CFHR3: variants seen among roughly 807,000 people sequenced by gnomAD.
CFHR3 encodes the protein complement factor H-related protein 3.
A neutral mutation model predicts 36.0 loss-of-function variants in CFHR3; 22 were observed. The observed-to-expected ratio is 0.61, with a 90% confidence interval of 0.44 to 0.87. CFHR3 has a LOEUF of 0.87. Among genes scored for constraint, CFHR3 ranks in the 40% least tolerant of loss-of-function variants. The pLI is 0.00. For synonymous variants in CFHR3, 97 were observed against 137.4 expected (o/e 0.71, Z 2.06); for missense variants, 276 against 401.3 (o/e 0.69, Z 2.67).
At position 196,789,073 on chromosome 1, in the gene CFHR3, T is replaced by C. The variant is rs1356814749; in HGVS notation, c.613+675T>C. 4 of 1,132,422 alleles carry C rather than the reference T, an allele frequency of 3.5e-6. 1 individual carries two copies. Among genetic ancestry groups the C allele is most frequent in the Non-Finnish European group, 4.4e-6 (4 of 916,806 alleles). The allele number at this position is 1,132,422 out of a possible 1,614,324, so 70.1% of individuals were successfully genotyped here. On this transcript the variant is annotated intron_variant, in intron 4 of 5. Transcript: ENST00000367425. ...GAATGCATAATGAACAAAGGAAATC[T>C]TTCAGTGGCAAAAGTTGATTTTTTT... is the stretch of plus-strand genomic sequence containing the variant.
intron 4 of CFHR3, chr1:196,789,422 T>C (rs956531043): frequency 1.1e-6 from 1 of 911,232 alleles, no homozygotes; most frequent in African/African-American, 2.3e-5. Context: ...GGGCTCTGTG[T>C]AAAGAAAAAG....
chr1:196,776,527 G>GATA (rs1653727430), intron 1 of CFHR3, among the ~76,000 whole-genome samples: 1 of 136,574 alleles, frequency 7.3e-6, no homozygotes. Context: ...ATTCAGGTGG[G>GATA]TCCTACTCCA....
intron 1 of CFHR3, among the ~76,000 whole-genome samples, chr1:196,775,334 TC>T (rs1653667834): frequency 7.3e-6 from 1 of 136,736 alleles, no homozygotes; most frequent in Non-Finnish European, 1.6e-5. Flanking sequence ...GTTTTCATAA[TC>T]TTACATATGG....
intron 3 of CFHR3, among the ~76,000 whole-genome samples, chr1:196,787,609 AT>A (rs1320581672): frequency 7.3e-6 from 1 of 136,906 alleles, no homozygotes; most frequent in Non-Finnish European, 1.5e-5. Flanking sequence ...TTACTAATAT[AT>A]AAAGAACAAA....
rs1053468994 is a variant in CFHR3, at chr1:196,793,537, A to G, written c.*24A>G. 3.3e-6 allele frequency: 5 copies of G among 1,504,390 alleles called. 2 individuals are homozygous for G. The highest frequency in any genetic ancestry group is 2.5e-5 in the South Asian group (2 of 79,762). The allele number at this position is 1,504,390 out of a possible 1,614,324, so 93.2% of individuals were successfully genotyped here. On this transcript the variant is annotated 3_prime_UTR_variant, in exon 6 of 6. Transcript: ENST00000367425. The stretch of plus-strand genomic sequence containing the variant: ...AAGGCAGCATTGTTACCCTAAATGT[A>G]TGTCCAACTTCCACTTTTCCACTTC...
rs776769345 is a variant in CFHR3 at position 196,793,452 on chromosome 1, C to T, written c.932C>T (p.Ser311Leu). 1 of 1,526,708 alleles carries T rather than the reference C, an allele frequency of 6.6e-7. No homozygotes were observed. The highest frequency in any genetic ancestry group is 8.9e-7 in the Non-Finnish European group (1 of 1,129,272). The allele number at this position is 1,526,708 out of a possible 1,614,324, so 94.6% of individuals were successfully genotyped here. The change falls in exon 6 of 6, where the codon TCA (serine) becomes TTA (leucine). Residue 311 changes from serine to leucine, a missense_variant. Ser to Leu is a moderately radical substitution (Grantham distance 145). Transcript: ENST00000367425. ...MCKLGYNANT[S>L]ILSFQAVCRE... ...AAATTGGGATATAATGCAAATACAT[C>T]AATTCTATCATTTCAAGCAGTGTGT...
At chr1:196,780,242 T>C (rs542679282) in intron 3 of CFHR3, among the ~76,000 whole-genome samples, 5 of 137,768 alleles carry the variant, frequency 3.6e-5, no homozygotes, top group Non-Finnish European at 6.2e-5. Context: ...TAAAGTCATA[T>C]TGAAGCGGCA....
rs772850682 is a variant in CFHR3 at position 196,788,254 on chromosome 1, T to A, written c.469T>A (p.Phe157Ile). 1 of 1,357,066 alleles carries A rather than the reference T, an allele frequency of 7.4e-7. No homozygotes were observed. Among genetic ancestry groups the A allele is most frequent in the Non-Finnish European group, 9.9e-7 (1 of 1,007,772 alleles). 84.1% of individuals were successfully genotyped at this position (1,357,066 alleles called of 1,614,324 possible). ...ATCAGATATAGAAATTGAAAATGGATTCATTTCCGAATCTTCCTCTATTTA... is the reference window on the plus strand; with the variant it reads ...ATCAGATATAGAAATTGAAAATGGAATCATTTCCGAATCTTCCTCTATTTA... ...SKSDIEIENG[F>I]ISESSSIYIL... The change falls in exon 4 of 6, where the codon TTC (phenylalanine) becomes ATC (isoleucine). Residue 157 changes from phenylalanine (F) to isoleucine (I), a missense_variant. This residue lies in a region of CFHR3 where 178 missense variants were observed against 247.2 expected (regional missense o/e 0.72). Transcript: ENST00000367425.
rs367607206 is a variant in CFHR3, at chr1:196,783,116, C to T, written c.430+3143C>T. On this transcript the variant is annotated intron_variant, in intron 3 of 5. Coordinates refer to ENST00000367425, the MANE Select transcript of CFHR3 (RefSeq NM_021023.6). ...ATGCTGGATTACATTTATTGATTTG[C>T]GTATATTGAACTAGCCTTGCATCCC... Among the ~76,000 whole-genome samples, 17 of 136,478 alleles carry T rather than the reference C, an allele frequency of 1.2e-4. 4 individuals carry two copies. Among genetic ancestry groups the T allele is most frequent in the African/African-American group, 4.6e-4 (15 of 32,500 alleles). 89.5% of individuals were successfully genotyped at this position (136,478 alleles called of 152,430 possible).
chr1:196,787,513 C>T (rs1464285050), intron 3 of CFHR3, among the ~76,000 whole-genome samples: 1 of 137,244 alleles, frequency 7.3e-6, no homozygotes, highest in African/African-American at 3.0e-5. Context: ...AGAACATATA[C>T]ATTACTAATA....
In CFHR3 at chr1:196,782,898, C is replaced by T. The variant is rs190962220; in HGVS notation, c.430+2925C>T. On this transcript the variant is annotated intron_variant, in intron 3 of 5. Transcript: ENST00000367425. The stretch of plus-strand genomic sequence containing the variant: ...TCTTGTGCTGATTTTCAAAGGAATG[C>T]TTCCAGTTTTTGCCCATTCAGTATG... 8.5e-4 allele frequency among the ~76,000 whole-genome samples: 116 copies of T among 137,262 alleles called. 18 individuals are homozygous for T. Among genetic ancestry groups the T allele is most frequent in the Admixed American group, 1.6e-3 (23 of 14,248 alleles). The allele number at this position is 137,262 out of a possible 152,430, so 90.0% of individuals were successfully genotyped here.
intron 2 of CFHR3, 31 bp from the exon 3 acceptor site, chr1:196,779,766 C>G (rs1653868683): frequency 6.8e-7 from 1 of 1,475,834 alleles, no homozygotes; most frequent in Admixed American, 1.9e-5. Flanking sequence ...TTCTCATTTA[C>G]TTTATTTATT....
At chr1:196,787,813 G>A (rs1330047733) in intron 3 of CFHR3, among the ~76,000 whole-genome samples, 2 of 136,830 alleles carry the variant, frequency 1.5e-5, no homozygotes, top group Non-Finnish European at 3.1e-5. Context: ...AGGGTGTACC[G>A]TATCTTTGCC....
rs1428838545 is a variant in CFHR3, at chr1:196,795,301, C to A, written c.*1788C>A. On this transcript the variant is annotated 3_prime_UTR_variant, in exon 6 of 6. Coordinates refer to ENST00000367425, the MANE Select transcript of CFHR3 (RefSeq NM_021023.6). ...CCTGGACAAGTTCTCTTGCCTGCCA[C>A]CATGTAAGATGTACCTTTGCTACTC... 7.3e-6 allele frequency: 1 copy of A among 136,798 alleles called. No individual in the cohort carries two copies. The highest frequency in any genetic ancestry group is 1.5e-5 in the Non-Finnish European group (1 of 64,598). 8.5% of individuals were successfully genotyped at this position (136,798 alleles called of 1,614,324 possible).
In CFHR3 at chr1:196,776,669, C is replaced by T. The variant is rs756830544; in HGVS notation, c.58+1725C>T. Among the ~76,000 whole-genome samples the T allele has an allele frequency of 4.4e-5, 6 of 136,750 alleles. 1 individual carries two copies. The highest frequency in any genetic ancestry group is 6.2e-5 in the Non-Finnish European group (4 of 64,496). The allele number at this position is 136,750 out of a possible 152,430, so 89.7% of individuals were successfully genotyped here. On this transcript the variant is annotated intron_variant, in intron 1 of 5. Coordinates refer to ENST00000367425, the MANE Select transcript of CFHR3 (RefSeq NM_021023.6). Reference sequence around the variant, plus strand: ...TCTCAGAAGCATCCAATCCTGTTGACAGCTATATCTCAAACTAGTAGCCTC... The same window carrying T: ...TCTCAGAAGCATCCAATCCTGTTGATAGCTATATCTCAAACTAGTAGCCTC...
Position 196,786,911 on chromosome 1 carries a change from G to C in CFHR3, c.431-1305G>C, listed in dbSNP as rs1346716301. Among the ~76,000 whole-genome samples, 3 of 137,694 alleles carry C rather than the reference G, an allele frequency of 2.2e-5. 1 individual carries two copies. Among genetic ancestry groups the C allele is most frequent in the Non-Finnish European group, 4.6e-5 (3 of 64,778 alleles). 90.3% of individuals were successfully genotyped at this position (137,694 alleles called of 152,430 possible). The stretch of plus-strand genomic sequence containing the variant: ...GTCTTCTGCGTCGCTCACGCTGGGA[G>C]CTGTAGACCAGAGCTGTTCCGATTT... On this transcript the variant is annotated intron_variant, in intron 3 of 5. Coordinates refer to ENST00000367425, the MANE Select transcript of CFHR3 (RefSeq NM_021023.6).
At position 196,787,533 on chromosome 1, in the gene CFHR3, A is replaced by G. The variant is rs181471138; in HGVS notation, c.431-683A>G. Reference sequence around the variant, plus strand: ...ATATACATTACTAATATCTTAAAACATATGCGTTACTAAAATAATTACTAC... The same window carrying G: ...ATATACATTACTAATATCTTAAAACGTATGCGTTACTAAAATAATTACTAC... On this transcript the variant is annotated intron_variant, in intron 3 of 5. Transcript: ENST00000367425. 6.4e-4 allele frequency among the ~76,000 whole-genome samples: 88 copies of G among 137,872 alleles called. 27 individuals are homozygous for G. The highest frequency in any genetic ancestry group is 2.6e-3 in the African/African-American group (87 of 33,130). The allele number at this position is 137,872 out of a possible 152,430, so 90.4% of individuals were successfully genotyped here.
In CFHR3 at chr1:196,779,700, A is replaced by G; in HGVS notation, c.254-97A>G. The G allele has an allele frequency of 2.2e-6, 3 of 1,366,068 alleles. 1 individual carries two copies. Among genetic ancestry groups the G allele is most frequent in the Non-Finnish European group, 1.9e-6 (2 of 1,027,904 alleles). 84.6% of individuals were successfully genotyped at this position (1,366,068 alleles called of 1,614,324 possible). ...TACATTATTTTTGGATGTTTATGCGATCTTATTTAAATATGGTAACAATAA... is the reference window on the plus strand; with the variant it reads ...TACATTATTTTTGGATGTTTATGCGGTCTTATTTAAATATGGTAACAATAA... On this transcript the variant is annotated intron_variant, in intron 2 of 5. Transcript: ENST00000367425.
rs1445600310 is a variant in CFHR3, at chr1:196,782,989, T to G, written c.430+3016T>G. 7.3e-5 allele frequency among the ~76,000 whole-genome samples: 10 copies of G among 137,224 alleles called. 3 individuals are homozygous for G. The highest frequency in any genetic ancestry group is 2.1e-4 in the African/African-American group (7 of 32,830). The allele number at this position is 137,224 out of a possible 152,430, so 90.0% of individuals were successfully genotyped here. ...TGAGATATGTCCCATCAATATCTAA[T>G]TTATTGAGAGTTTTTAGCATGAAGC... On this transcript the variant is annotated intron_variant, in intron 3 of 5. Transcript: ENST00000367425.
Sources: gnomAD v4.1 joint callset for allele counts (sites outside exome capture counted in the v4.1 genomes callset) on GRCh38, gnomAD v4.1.1 for gene constraint, gnomAD v4.1.1 regional missense constraint, MANE v1.5 for transcripts, NCBI Gene and HGNC (gene_info 2026-07-23, HGNC 2026-07-21) for gene names.